ARX: variants seen among roughly 807,000 people sequenced by gnomAD.
ARX encodes aristaless related homeobox.
A neutral mutation model predicts 23.1 loss-of-function variants in ARX; 1 was observed. That is an observed-to-expected ratio of 0.04 (90% CI 0.02 to 0.21). ARX has a LOEUF of 0.21. ARX is among the 10% of genes least tolerant of loss of function. ARX has a pLI of 1.00. For synonymous variants in ARX, 301 were observed against 270.1 expected (o/e 1.11, Z -1.12); for missense variants, 380 against 527.5 (o/e 0.72, Z 2.74).
chrX:25,006,984 A>G, intron 4 of ARX, 127 bp downstream of exon 4: 1 of 823,675 alleles, frequency 1.2e-6, no homozygotes, highest in Non-Finnish European at 1.6e-6. Flanking sequence ...CTTTGGCTAC[A>G]GTCTCTGAGG....
At position 25,007,284 on chromosome X, in the gene ARX, C is replaced by T; in HGVS notation, c.1275G>A (p.Ala425=). 9.0e-7 allele frequency: 1 copy of T among 1,117,212 alleles called. No individual in the cohort carries two copies. The highest frequency in any genetic ancestry group is 1.2e-6 in the Non-Finnish European group (1 of 855,631). 92.1% of individuals were successfully genotyped at this position (1,117,212 alleles called of 1,213,427 possible). The part of the protein sequence containing the change: ...DASPFPPHHP[A]LDSAWTAAAA... The stretch of plus-strand genomic sequence containing the variant: ...CAGCGGCAGTCCAAGCGGAGTCGAG[C>T]GCCGGGTGGTGCGGAGGGAAGGGGC... The change falls in exon 4 of 5, where the codon GCG becomes GCA. Residue 425 remains alanine, a synonymous_variant. Transcript: ENST00000379044.
chrX:25,010,183 C>T (rs759354362), intron 3 of ARX, 77 bp downstream of exon 3: 24 of 952,985 alleles, frequency 2.5e-5, no homozygotes, highest in Non-Finnish European at 3.4e-5. Flanking sequence ...CGCACCCCCC[C>T]GCCACCAACC....
Position 25,015,584 on chromosome X carries a change from C to A in ARX, c.154G>T (p.Ala52Ser). The change falls in exon 1 of 5, where the codon GCT becomes TCT. Residue 52 changes from alanine (A) to serine (S), a missense_variant. Physicochemically the swap from Ala to Ser is moderately conservative, Grantham distance 99. Around this residue, in one of 3 missense-constraint regions of ARX, gnomAD observed 235 missense variants for 270.2 expected, o/e 0.87. Transcript: ENST00000379044. Reference sequence around the variant, plus strand: ...GGGTCGGCGCGGCTGGTCAGCGGAGCAGGCAAGCTCTGCGCGGCTCCCAGC... The same window carrying A: ...GGGTCGGCGCGGCTGGTCAGCGGAGAAGGCAAGCTCTGCGCGGCTCCCAGC... ...RLLGAAQSLP[A>S]PLTSRADPEK... 1.7e-6 allele frequency: 2 copies of A among 1,210,765 alleles called. No individual in the cohort carries two copies. Among genetic ancestry groups the A allele is most frequent in the Non-Finnish European group, 2.2e-6 (2 of 895,006 alleles).
Position 25,015,938 on chromosome X carries a change from G to T in ARX, c.-201C>A, listed in dbSNP as rs2048725915. On this transcript the variant is annotated 5_prime_UTR_variant, in exon 1 of 5. Coordinates refer to ENST00000379044, the MANE Select transcript of ARX (RefSeq NM_139058.3). ...CGCGGCCCGAGCTCGCCCTCTCCGC[G>T]CTCAGGACAAGCGGTAACAAGTGTA... 2 of 466,424 alleles carry T rather than the reference G, an allele frequency of 4.3e-6. No homozygotes were observed. The highest frequency in any genetic ancestry group is 7.5e-6 in the Non-Finnish European group (2 of 265,241). The allele number at this position is 466,424 out of a possible 1,213,427, so 38.4% of individuals were successfully genotyped here. A position where few individuals can be genotyped will look rare whatever the true frequency, so the allele number is the denominator to read the frequency against.
At chrX:25,006,160 T>C (rs1045249287) in intron 4 of ARX, among the ~76,000 whole-genome samples, 2 of 112,456 alleles carry the variant, frequency 1.8e-5, no homozygotes, top group Non-Finnish European at 3.8e-5. Context: ...TTAAGATTTT[T>C]CTCAGAAAGA....
At position 25,015,730 on chromosome X, in the gene ARX, T is replaced by C. The variant is rs771031915; in HGVS notation, c.8A>G (p.Asn3Ser). 1 of 1,196,901 alleles carries C rather than the reference T, an allele frequency of 8.4e-7. No individual in the cohort carries two copies. The highest frequency in any genetic ancestry group is 1.8e-5 in the South Asian group (1 of 54,989). The part of the protein sequence containing the change: MS[N>S]QYQEEGCSER... The stretch of plus-strand genomic sequence containing the variant: ...GGAGCAGCCCTCCTCCTGGTACTGA[T>C]TGCTCATGGCTGGGGCTTTTTCCCA... Residue 3 changes from asparagine (N) to serine (S), a missense_variant, in exon 1 of 5, where the codon AAT becomes AGT. Physicochemically the swap from Asn to Ser is conservative, Grantham distance 46. Transcript: ENST00000379044.
In ARX at chrX:25,004,269, AAAAG is replaced by A. The variant is rs1187412665; in HGVS notation, c.*397_*400del. On this transcript the variant is annotated 3_prime_UTR_variant, in exon 5 of 5. Transcript: ENST00000379044. The stretch of plus-strand genomic sequence containing the variant: ...GCGCCAAAATGCTATTTAAAAAAAA[AAAAG>A]AAAGAAAGAAAGAAAGAAAAGAAAG... 5.9e-4 allele frequency: 85 copies of A among 143,970 alleles called. No homozygotes were observed. The highest frequency in any genetic ancestry group is 1.5e-3 in the African/African-American group (45 of 31,032). The allele number at this position is 143,970 out of a possible 1,213,427, so 11.9% of individuals were successfully genotyped here. A position where few individuals can be genotyped will look rare whatever the true frequency, so the allele number is the denominator to read the frequency against.
chrX:25,009,325 A>G (rs1290849285), intron 3 of ARX, among the ~76,000 whole-genome samples: 1 of 111,681 alleles, frequency 9.0e-6, no homozygotes, highest in Non-Finnish European at 1.9e-5. Context: ...CTTTCTTTTT[A>G]AAAGTTATTT....
chrX:25,012,802 CCA>C, intron 2 of ARX, 118 bp downstream of exon 2: 1 of 1,137,330 alleles, frequency 8.8e-7, no homozygotes, highest in South Asian at 2.1e-5. Flanking sequence ...GGGCGCTCTT[CCA>C]CAGAGTCCAG....
chrX:25,015,847 G>A lies in ARX; in HGVS notation c.-110C>T. On this transcript the variant is annotated 5_prime_UTR_variant, in exon 1 of 5. Coordinates refer to ENST00000379044, the MANE Select transcript of ARX (RefSeq NM_139058.3). The stretch of plus-strand genomic sequence containing the variant: ...TGGGGTTAGATAGCGGGTTATAACG[G>A]ATATTATTGCGATCTTTGTGCCTTT... 1.2e-6 allele frequency: 1 copy of A among 845,019 alleles called. No homozygotes were observed. Among genetic ancestry groups the A allele is most frequent in the Non-Finnish European group, 1.7e-6 (1 of 584,944 alleles). 69.6% of individuals were successfully genotyped at this position (845,019 alleles called of 1,213,427 possible). A position where few individuals can be genotyped will look rare whatever the true frequency, so the allele number is the denominator to read the frequency against.
At chrX:25,013,943 C>A in intron 1 of ARX, 145 bp from the exon 2 acceptor site, 2 of 821,678 alleles carry the variant, frequency 2.4e-6, no homozygotes, top group South Asian at 1.4e-4. Flanking sequence ...GACGCCTTGG[C>A]CTCTTTCTCC....
chrX:25,013,541 CCGCGGCCGCGGCT>C lies in ARX; in HGVS notation c.441_453del (p.Ala148ProfsTer16). 3 of 801,565 alleles carry C rather than the reference CCGCGGCCGCGGCT, an allele frequency of 3.7e-6. No individual in the cohort carries two copies. The highest frequency in any genetic ancestry group is 4.5e-6 in the Non-Finnish European group (3 of 673,859). The allele number at this position is 801,565 out of a possible 1,213,427, so 66.1% of individuals were successfully genotyped here. ...TTGAGCGTGTCCCAGGCCGCGGCGG[CCGCGGCCGCGGCT>C]GCCGCGGCGGCCCCTGCGCCGTCCG... On this transcript the variant is annotated frameshift_variant, in exon 2 of 5. Coordinates refer to ENST00000379044, the MANE Select transcript of ARX (RefSeq NM_139058.3). LOFTEE classifies it high-confidence loss of function.
chrX:25,005,850 C>T (rs1209273461), intron 4 of ARX: 1 of 112,546 alleles, frequency 8.9e-6, no homozygotes, highest in East Asian at 2.8e-4. Flanking sequence ...GGCCACCGGA[C>T]ACCACCCCCA....
At position 25,013,240 on chromosome X, in the gene ARX, A is replaced by G. The variant is rs776691969; in HGVS notation, c.755T>C (p.Leu252Pro). The G allele has an allele frequency of 8.6e-7, 1 of 1,156,323 alleles. No homozygotes were observed. The highest frequency in any genetic ancestry group is 1.8e-5 in the African/African-American group (1 of 55,868). Residue 252 changes from leucine (L) to proline (P), a missense_variant, in exon 2 of 5, where the codon CTG becomes CCG. Leu to Pro is a moderately conservative substitution (Grantham distance 98). Transcript: ENST00000379044. ...ELLEDDEEEL[L>P]EDDARALLKE... Reference sequence around the variant, plus strand: ...GAGCAGCGCGCGGGCGTCGTCCTCCAGCAGCTCCTCCTCGTCGTCCTCCAG... The same window carrying G: ...GAGCAGCGCGCGGGCGTCGTCCTCCGGCAGCTCCTCCTCGTCGTCCTCCAG...
At chrX:25,007,592 GGAC>G (rs1417487118) in intron 3 of ARX, among the ~76,000 whole-genome samples, 153 bp from the exon 4 acceptor site, 1 of 111,447 alleles carries the variant, frequency 9.0e-6, no homozygotes, top group Non-Finnish European at 1.9e-5. Context: ...GGTTGTTTTC[GGAC>G]GCGTCTGGGG....
chrX:25,007,323 G>C lies in ARX; in HGVS notation c.1236C>G (p.Pro412=), dbSNP rs1426283487. The C allele has an allele frequency of 8.8e-7, 1 of 1,138,472 alleles. No individual in the cohort carries two copies. Among genetic ancestry groups the C allele is most frequent in the East Asian group, 3.5e-5 (1 of 28,817 alleles). 93.8% of individuals were successfully genotyped at this position (1,138,472 alleles called of 1,213,427 possible). The change falls in exon 4 of 5, where the codon CCC becomes CCG. Residue 412 remains proline (P), a synonymous_variant. Coordinates refer to ENST00000379044, the MANE Select transcript of ARX (RefSeq NM_139058.3). ...GPLSATHPLS[P]YLDASPFPPH... is the part of the protein sequence containing the mutation. ...GAGGGAAGGGGCTGGCGTCCAGGTA[G>C]GGGCTGAGCGGGTGGGTGGCGGAGA...
chrX:25,007,155 C>T lies in ARX; in HGVS notation c.1404G>A (p.Ala468=). Residue 468 remains alanine (A), a synonymous_variant, in exon 4 of 5, where the codon GCG becomes GCA. Coordinates refer to ENST00000379044, the MANE Select transcript of ARX (RefSeq NM_139058.3). ...APLGLSTFLG[A]AVFRHPAFIS... ...TGAAAGCTGGGTGTCGGAACACTGC[C>T]GCTCCGAGGAAAGTGCTCAGGCCCA... 1 of 1,201,577 alleles carries T rather than the reference C, an allele frequency of 8.3e-7. No homozygotes were observed. The highest frequency in any genetic ancestry group is 1.8e-5 in the South Asian group (1 of 55,119).
intron 4 of ARX, among the ~76,000 whole-genome samples, chrX:25,005,259 G>T (rs903906646): frequency 3.4e-4 from 38 of 112,036 alleles, no homozygotes; most frequent in Middle Eastern, 4.6e-3. Flanking sequence ...CAAGGCCAGG[G>T]GCTGCAATGA....
At chrX:25,007,468 C>A (rs755235599) in intron 3 of ARX, 29 bp from the exon 4 acceptor site, 48 of 1,141,752 alleles carry the variant, frequency 4.2e-5, no homozygotes, top group South Asian at 2.5e-4. Flanking sequence ...CCAGGGTCGG[C>A]GCGGCTCGGC....
Sources: gnomAD v4.1 joint callset for allele counts (sites outside exome capture counted in the v4.1 genomes callset) on GRCh38, gnomAD v4.1.1 for gene constraint, gnomAD v4.1.1 regional missense constraint, MANE v1.5 for transcripts, NCBI Gene and HGNC (gene_info 2026-07-23, HGNC 2026-07-21) for gene names.